INPP4B: variants seen among roughly 807,000 people sequenced by gnomAD.
INPP4B encodes the protein inositol polyphosphate 4-phosphatase type II.
A neutral mutation model predicts 122.5 loss-of-function variants in INPP4B; 55 were observed. The observed-to-expected ratio is 0.45, with a 90% confidence interval of 0.36 to 0.56. INPP4B has a LOEUF of 0.56. Among genes scored for constraint, INPP4B ranks in the 20% least tolerant of loss-of-function variants. INPP4B has a pLI of 0.00. For synonymous variants in INPP4B, 403 were observed against 388.7 expected, an observed-to-expected ratio of 1.04 and a Z score of -0.43; for missense variants, 1,000 against 1,097.7, an observed-to-expected ratio of 0.91 and a Z score of 1.26.
intron 1 of INPP4B, among the ~76,000 whole-genome samples, chr4:142,775,766 A>C (rs1773805477): frequency 6.6e-6 from 1 of 152,154 alleles, no homozygotes; most frequent in South Asian, 2.1e-4. Context: ...TATTTTAGAT[A>C]GAAGTCCATT....
chr4:142,391,983 T>C (rs1249265618), intron 7 of INPP4B, among the ~76,000 whole-genome samples: 4 of 152,190 alleles, frequency 2.6e-5, no homozygotes, highest in Admixed American at 2.6e-4. Context: ...TACAGTGTAT[T>C]TTCAGCAGAA....
At chr4:142,141,282 C>T (rs1039132) in intron 18 of INPP4B, among the ~76,000 whole-genome samples, 18,283 of 151,982 alleles carry the variant, frequency 0.12, 1,732 homozygotes, top group African/African-American at 0.26. Context: ...AGTTGAAAAC[C>T]GGCAGAGATA....
intron 12 of INPP4B, among the ~76,000 whole-genome samples, chr4:142,212,928 C>T (rs893243628): frequency 1.3e-5 from 2 of 152,166 alleles, no homozygotes; most frequent in African/African-American, 4.8e-5. Flanking sequence ...TACCTCAATT[C>T]TAAGGTTTTT....
intron 12 of INPP4B, among the ~76,000 whole-genome samples, chr4:142,219,159 A>G (rs549035019): frequency 1.1e-4 from 17 of 152,322 alleles, no homozygotes; most frequent in Admixed American, 5.9e-4. Context: ...TTTCACTTGA[A>G]GTTAAAATAA....
At chr4:142,384,191 T>C (rs1795160796) in intron 7 of INPP4B, 1 of 699,106 alleles carries the variant, frequency 1.4e-6, no homozygotes, top group East Asian at 2.7e-5. Context: ...TTCCAGTACA[T>C]GTGGGTTAAG....
At chr4:142,241,498 T>A (rs1050481794) in intron 11 of INPP4B, among the ~76,000 whole-genome samples, 1 of 152,170 alleles carries the variant, frequency 6.6e-6, no homozygotes, top group Admixed American at 6.5e-5. Context: ...AATTTCTATA[T>A]TGTTTCTCCC....
chr4:142,470,057 A>C (rs1274032958), intron 2 of INPP4B, among the ~76,000 whole-genome samples: 4 of 152,118 alleles, frequency 2.6e-5, no homozygotes, highest in Admixed American at 6.5e-5. Context: ...AGTAAAGAAA[A>C]ATGGAATTGA....
intron 10 of INPP4B, among the ~76,000 whole-genome samples, chr4:142,268,322 C>CAAAAAAAAAAA (rs56908599): frequency 0.011 from 77 of 6,902 alleles, 23 homozygotes; most frequent in Admixed American, 0.017. Flanking sequence ...GACTCCGTCT[C>CAAAAAAAAAAA]AAAAAAAAAA....
chr4:142,379,352 G>A (rs1405243446), intron 7 of INPP4B, among the ~76,000 whole-genome samples: 1 of 152,142 alleles, frequency 6.6e-6, no homozygotes, highest in Non-Finnish European at 1.5e-5. Flanking sequence ...TTCAAAGAGA[G>A]CTTTACTTAA....
intron 2 of INPP4B, among the ~76,000 whole-genome samples, chr4:142,577,448 C>T (rs1734096358): frequency 6.6e-6 from 1 of 152,026 alleles, no homozygotes; most frequent in Non-Finnish European, 1.5e-5. Context: ...CATACAATCA[C>T]ATAACACAGT....
intron 25 of INPP4B, among the ~76,000 whole-genome samples, chr4:142,059,794 A>T (rs1029942344): frequency 2.6e-5 from 4 of 152,130 alleles, no homozygotes; most frequent in African/African-American, 9.7e-5. Context: ...ATGGCATAAC[A>T]TATAGCTAGC....
intron 7 of INPP4B, among the ~76,000 whole-genome samples, chr4:142,356,239 G>C (rs898777107): frequency 2.0e-5 from 3 of 147,448 alleles, no homozygotes; most frequent in African/African-American, 7.6e-5. Context: ...TTTGCCAGGG[G>C]AGAAAGGCAT....
chr4:142,056,544 G>A lies in INPP4B; in HGVS notation c.2642+25487C>T, dbSNP rs939773915. Among the ~76,000 whole-genome samples, 9 of 152,034 alleles carry A rather than the reference G, an allele frequency of 5.9e-5. No homozygotes were observed. The East Asian group carries it at 1.7e-3, about 29-fold the overall frequency. ...CCTGGAAACATTTAATCTCACTAAT[G>A]AAGTAAGTGATAGGAACATGAAAAA... On this transcript the variant is annotated intron_variant, in intron 25 of 25. Coordinates refer to ENST00000262992, the MANE Select transcript of INPP4B (RefSeq NM_001101669.3).
chr4:142,477,062 G>T (rs1819882484), intron 2 of INPP4B, among the ~76,000 whole-genome samples: 1 of 152,106 alleles, frequency 6.6e-6, no homozygotes, highest in South Asian at 2.1e-4. Flanking sequence ...CCAATACTCA[G>T]CAAATTCAAA....
At chr4:142,555,770 C>T (rs1729019320) in intron 2 of INPP4B, among the ~76,000 whole-genome samples, 1 of 150,634 alleles carries the variant, frequency 6.6e-6, no homozygotes, top group Admixed American at 6.6e-5. Flanking sequence ...ACTCAGGAGG[C>T]TGAGGCAGGA....
At chr4:142,636,004 AT>A (rs1399147685) in intron 2 of INPP4B, among the ~76,000 whole-genome samples, 2 of 152,108 alleles carry the variant, frequency 1.3e-5, no homozygotes, top group Non-Finnish European at 2.9e-5. Flanking sequence ...TAATCCCCAC[AT>A]GTCAAGGGCA....
chr4:142,601,068 G>T (rs768561679), intron 2 of INPP4B, among the ~76,000 whole-genome samples: 2 of 151,892 alleles, frequency 1.3e-5, no homozygotes, highest in Non-Finnish European at 2.9e-5. Flanking sequence ...ACCAGATCTA[G>T]AGAGAGAGAG....
intron 25 of INPP4B, among the ~76,000 whole-genome samples, chr4:142,054,261 T>C (rs1756323624): frequency 6.6e-6 from 1 of 152,004 alleles, no homozygotes; most frequent in Admixed American, 6.6e-5. Flanking sequence ...CCCTATTTTT[T>C]TTTTTTAACC....
At chr4:142,464,915 C>T (rs956896427) in intron 2 of INPP4B, among the ~76,000 whole-genome samples, 2 of 152,132 alleles carry the variant, frequency 1.3e-5, no homozygotes, top group Non-Finnish European at 2.9e-5. Context: ...GAGTAGATGG[C>T]AGTATCCTGT....
Sources: gnomAD v4.1 joint callset for allele counts (sites outside exome capture counted in the v4.1 genomes callset) on GRCh38, gnomAD v4.1.1 for gene constraint, MANE v1.5 for transcripts, NCBI Gene and HGNC (gene_info 2026-07-23, HGNC 2026-07-21) for gene names.